Variants in GNL3L observed in about 807,000 individuals in gnomAD.
GNL3L encodes the protein guanine nucleotide-binding protein-like 3-like protein.
In GNL3L, 4 loss-of-function variants were observed where a neutral mutation model predicts 42.9. The observed-to-expected ratio is 0.09, with a 90% CI of 0.05 to 0.21. GNL3L has a LOEUF of 0.21. Ranked by LOEUF, GNL3L falls within the 10% of genes least tolerant of loss-of-function variation. GNL3L has a pLI of 1.00. For missense variants in GNL3L, 412 were observed against 481.7 expected (o/e 0.86, Z 1.36); for synonymous variants, 159 against 176.3 (o/e 0.90, Z 0.78).
At chrX:54,536,210 C>T (rs1048736210) in intron 2 of GNL3L, among the ~76,000 whole-genome samples, 1 of 108,242 alleles carries the variant, frequency 9.2e-6, no homozygotes, top group African/African-American at 3.4e-5. Flanking sequence ...GACGGGGTTT[C>T]ACCATGTTGG....
intron 16 of GNL3L, among the ~76,000 whole-genome samples, chrX:54,599,948 T>G (rs1008859400): frequency 3.6e-5 from 4 of 111,012 alleles, no homozygotes; most frequent in African/African-American, 1.3e-4. Context: ...AGGCTTTATA[T>G]TTCTTTGATG....
At position 54,539,917 on chromosome X, in the gene GNL3L, T is replaced by C. The variant is rs189281630; in HGVS notation, c.82-218T>C. On this transcript the variant is annotated intron_variant, in intron 3 of 15. Transcript: ENST00000360845. ...TCTTTGGGGATGGAGCCCTTTTTGC[T>C]TCTCTCCTTTCTTTGTCCCCACAAC... Among the ~76,000 whole-genome samples, 42 of 111,738 alleles carry C rather than the reference T, an allele frequency of 3.8e-4. 1 individual carries two copies. The Admixed American group carries it at 4.0e-3, about 11-fold the overall frequency.
chrX:54,538,949 G>A, intron 2 of GNL3L, 91 bp from the exon 3 acceptor site: 1 of 522,159 alleles, frequency 1.9e-6, no homozygotes, highest in Admixed American at 3.8e-5. Flanking sequence ...TTCCTAGCTA[G>A]GTTCCCAGTG....
chrX:54,623,697 A>C (rs1926318455), downstream of GNL3L, among the ~76,000 whole-genome samples: 1 of 111,660 alleles, frequency 9.0e-6, no homozygotes, highest in Non-Finnish European at 1.9e-5. Context: ...AATGTTTTGT[A>C]GTTTTCAGTG....
At position 54,562,570 on chromosome X, in the gene GNL3L, C is replaced by T. The variant is rs773932733; in HGVS notation, c.*1968C>T. On this transcript the variant is annotated 3_prime_UTR_variant, in exon 16 of 16. Coordinates refer to ENST00000360845, the MANE Select transcript of GNL3L (RefSeq NM_001184819.2). ...CCAAGCCCTGGAGACCCATTACCAC[C>T]GTTAACCCTCAATACAGCTCTGCTA... Among the ~76,000 whole-genome samples, 37 of 110,820 alleles carry T rather than the reference C, an allele frequency of 3.3e-4. No individual in the cohort carries two copies. The highest frequency in any genetic ancestry group is 6.0e-4 in the Non-Finnish European group (32 of 52,936).
At chrX:54,599,574 T>C (rs1925978789) in intron 16 of GNL3L, among the ~76,000 whole-genome samples, 1 of 111,856 alleles carries the variant, frequency 8.9e-6, no homozygotes, top group Non-Finnish European at 1.9e-5. Context: ...TTCTTGAATT[T>C]GTAAATTTCT....
chrX:54,642,163 CG>C, the GNL3L span, among the ~76,000 whole-genome samples: 1 of 111,662 alleles, frequency 9.0e-6, no homozygotes, highest in Non-Finnish European at 1.9e-5. Context: ...ATTTGCACTT[CG>C]GCCCTCTGAG....
chrX:54,587,673 G>A (rs1256103445), intron 16 of GNL3L, among the ~76,000 whole-genome samples: 1 of 99,368 alleles, frequency 1.0e-5, no homozygotes, highest in Non-Finnish European at 2.0e-5. Context: ...GTAATAGGGT[G>A]TTTTTTTTTT....
chrX:54,533,562 T>C (rs1232022172), intron 2 of GNL3L, among the ~76,000 whole-genome samples: 1 of 111,107 alleles, frequency 9.0e-6, no homozygotes, highest in Admixed American at 9.7e-5. Flanking sequence ...TCAAGAATCA[T>C]ACTGTTAATA....
intron 14 of GNL3L, among the ~76,000 whole-genome samples, chrX:54,556,938 T>C (rs1346404342): frequency 9.0e-6 from 1 of 110,604 alleles, no homozygotes; most frequent in Non-Finnish European, 1.9e-5. Flanking sequence ...CCCAGCACTT[T>C]GGGAAGCCAA....
In GNL3L at chrX:54,567,265, C is replaced by T. The variant is rs182562101; in HGVS notation, c.*6663C>T. Among the ~76,000 whole-genome samples, 8 of 111,339 alleles carry T rather than the reference C, an allele frequency of 7.2e-5. No individual in the cohort carries two copies. In the East Asian group the frequency reaches 2.2e-3, roughly 31 times the overall value. The stretch of plus-strand genomic sequence containing the variant: ...GACAATCATATCTTCTGTGAATAAA[C>T]ATGGTTTTATTTCTTCATGTCTAAT... On this transcript the variant is annotated 3_prime_UTR_variant, in exon 16 of 16. Transcript: ENST00000360845.
At chrX:54,638,028 G>A in the GNL3L span, among the ~76,000 whole-genome samples, 185 of 111,914 alleles carry the variant, frequency 1.7e-3, 1 homozygote, top group Middle Eastern at 4.7e-3. Flanking sequence ...TAAAAAGTTC[G>A]TTCCTTTAAT....
intron 8 of GNL3L, among the ~76,000 whole-genome samples, chrX:54,545,663 C>T (rs1924750638): frequency 1.8e-5 from 2 of 111,207 alleles, no homozygotes; most frequent in Admixed American, 1.9e-4. Context: ...AAATTGGATA[C>T]TAAGGGACAT....
intron 16 of GNL3L, among the ~76,000 whole-genome samples, chrX:54,612,196 C>T (rs1926169804): frequency 8.9e-6 from 1 of 112,108 alleles, no homozygotes; most frequent in Admixed American, 9.5e-5. Context: ...TCTCTTCTAG[C>T]TGCTGTTGCT....
Position 54,557,482 on chromosome X carries a change from C to T in GNL3L, c.1447-954C>T, listed in dbSNP as rs746283754. 3.5e-4 allele frequency among the ~76,000 whole-genome samples: 38 copies of T among 108,891 alleles called. No homozygotes were observed. In the South Asian group the frequency reaches 0.014, roughly 41 times the overall value. 94.6% of individuals were successfully genotyped at this position (108,891 alleles called of 115,157 possible). A position where few individuals can be genotyped will look rare whatever the true frequency, so the allele number is the denominator to read the frequency against. ...CAGGGTCTTGCTCTGTTGCCCAGGC[C>T]GGAGTGCAGTGGTGCAGTCTTGGCT... On this transcript the variant is annotated intron_variant, in intron 14 of 15. Transcript: ENST00000360845.
chrX:54,540,761 G>A (rs994067131), intron 4 of GNL3L, among the ~76,000 whole-genome samples: 1 of 110,924 alleles, frequency 9.0e-6, no homozygotes, highest in East Asian at 2.8e-4. Flanking sequence ...GGGTTCAAGC[G>A]ATTCTCCTGC....
At chrX:54,595,178 C>G (rs993582073) in intron 16 of GNL3L, among the ~76,000 whole-genome samples, 5 of 111,912 alleles carry the variant, frequency 4.5e-5, no homozygotes, top group Admixed American at 9.5e-5. Context: ...CTGAAGTACT[C>G]CCTTTAGCAT....
chrX:54,592,867 C>G (rs190267455), intron 16 of GNL3L, among the ~76,000 whole-genome samples: 1 of 110,187 alleles, frequency 9.1e-6, no homozygotes, highest in African/African-American at 3.3e-5. Context: ...TTCTAAACAT[C>G]GATTGAAATG....
At chrX:54,631,701 G>A in the GNL3L span, among the ~76,000 whole-genome samples, 6 of 111,553 alleles carry the variant, frequency 5.4e-5, no homozygotes, top group Non-Finnish European at 9.4e-5. Flanking sequence ...GTACTTGATA[G>A]GTGAATTCTT....
Sources: allele counts gnomAD v4.1 joint callset (sites outside exome capture counted in the v4.1 genomes callset), GRCh38; gene constraint gnomAD v4.1.1; transcripts MANE v1.5; gene names NCBI Gene and HGNC (gene_info 2026-07-23, HGNC 2026-07-21).